Variants in USP8 observed in about 807,000 individuals in gnomAD.
USP8 encodes the protein ubiquitin carboxyl-terminal hydrolase 8.
Under a neutral mutation model 130.0 loss-of-function variants are expected in USP8, and 27 were observed. The ratio of observed to expected loss-of-function variants is 0.21; its 90% confidence interval spans 0.15 to 0.29. The LOEUF (loss-of-function observed/expected upper bound fraction) is 0.29. Ranked by LOEUF, USP8 falls within the 10% of genes least tolerant of loss-of-function variation. The pLI is 1.00. For missense variants in USP8, 1,029 were observed against 1,312.2 expected, an observed-to-expected ratio of 0.78 and a Z score of 3.33; for synonymous variants, 392 against 444.1, an observed-to-expected ratio of 0.88 and a Z score of 1.48.
At chr15:50,475,696 G>A (rs1438875603) in intron 8 of USP8, among the ~76,000 whole-genome samples, 2 of 152,038 alleles carry the variant, frequency 1.3e-5, no homozygotes, top group African/African-American at 4.8e-5. Context: ...TCCGCCTCTC[G>A]GGTTCAAGCG....
chr15:50,477,238 T>C (rs374243153), intron 9 of USP8, 38 bp from the exon 10 acceptor site: 20 of 1,564,810 alleles, frequency 1.3e-5, no homozygotes, highest in Non-Finnish European at 1.6e-5. Context: ...GTATGGGGTT[T>C]GCTATTCTAA....
intron 1 of USP8, among the ~76,000 whole-genome samples, chr15:50,436,193 G>GT (rs998456017): frequency 3.3e-5 from 5 of 150,636 alleles, no homozygotes; most frequent in East Asian, 1.9e-4. Context: ...TTCCAAGTCT[G>GT]TTTTTTTTTC....
At chr15:50,450,020 A>G (rs1356919700) in intron 4 of USP8, among the ~76,000 whole-genome samples, 1 of 148,940 alleles carries the variant, frequency 6.7e-6, no homozygotes, top group African/African-American at 2.5e-5. Context: ...CAGCCTCCCG[A>G]GTAGCTGGGA....
At chr15:50,429,250 A>G (rs914446233) in intron 1 of USP8, among the ~76,000 whole-genome samples, 6 of 151,922 alleles carry the variant, frequency 3.9e-5, no homozygotes, top group Non-Finnish European at 8.8e-5. Flanking sequence ...AAATAATTAC[A>G]CATTATAATA....
At chr15:50,459,996 C>CACCTTT (rs567135111) in intron 5 of USP8, among the ~76,000 whole-genome samples, 1 of 92,008 alleles carries the variant, frequency 1.1e-5, no homozygotes, top group Admixed American at 1.2e-4. Flanking sequence ...CACCCCCCCC[C>CACCTTT]TTTTTTTTTT....
At chr15:50,461,456 C>CAAA (rs71124356) in intron 5 of USP8, among the ~76,000 whole-genome samples, 39 of 108,654 alleles carry the variant, frequency 3.6e-4, no homozygotes, top group Non-Finnish European at 5.0e-4. Flanking sequence ...ACCCTATCTC[C>CAAA]AAAAAAAAAA....
rs1596003567 is a variant in USP8 at position 50,505,296 on chromosome 15, A to G, written c.*6208A>G. The G allele has an allele frequency of 3.3e-5, 5 of 152,266 alleles. No homozygotes were observed. The Middle Eastern group carries it at 0.014, about 414-fold the overall frequency. The allele number at this position is 152,266 out of a possible 1,614,324, so 9.4% of individuals were successfully genotyped here. On this transcript the variant is annotated 3_prime_UTR_variant, in exon 20 of 20. Coordinates refer to ENST00000307179, the MANE Select transcript of USP8 (RefSeq NM_005154.5). ...CTTAAAAGCAACCAGAAAGAAAAAG[A>G]GAGTTTACCCACAAGAATCTAACCT...
chr15:50,456,069 GAGT>G (rs991723970), intron 4 of USP8, among the ~76,000 whole-genome samples: 6 of 152,144 alleles, frequency 3.9e-5, no homozygotes, highest in Non-Finnish European at 5.9e-5. Flanking sequence ...AGGTTACCCA[GAGT>G]TTATAGTTGT....
At chr15:50,445,545 CAAAAAAAAAAA>C (rs747368769) in intron 3 of USP8, among the ~76,000 whole-genome samples, 6 of 10,012 alleles carry the variant, frequency 6.0e-4, no homozygotes, top group East Asian at 2.4e-3. Context: ...GAGTCTGTCT[CAAAAAAAAAAA>C]AAAAAAAAAA....
intron 3 of USP8, among the ~76,000 whole-genome samples, chr15:50,443,701 C>G (rs2050331874): frequency 6.6e-6 from 1 of 151,392 alleles, no homozygotes; most frequent in Non-Finnish European, 1.5e-5. Context: ...CCAGGCTGGT[C>G]TTGAACTCCT....
At chr15:50,466,531 G>A (rs954867572) in intron 7 of USP8, among the ~76,000 whole-genome samples, 2 of 151,324 alleles carry the variant, frequency 1.3e-5, no homozygotes, top group African/African-American at 4.9e-5. Flanking sequence ...GGAGGCGGAG[G>A]TTGCAGTGAG....
In USP8 at chr15:50,502,992, A is replaced by G. The variant is rs539771896; in HGVS notation, c.*3904A>G. 2 of 152,296 alleles carry G rather than the reference A, an allele frequency of 1.3e-5. No individual in the cohort carries two copies. Among genetic ancestry groups the G allele is most frequent in the Admixed American group, 1.3e-4 (2 of 15,292 alleles). 9.4% of individuals were successfully genotyped at this position (152,296 alleles called of 1,614,324 possible). On this transcript the variant is annotated 3_prime_UTR_variant, in exon 20 of 20. Transcript: ENST00000307179. The stretch of plus-strand genomic sequence containing the variant: ...AGTTATTTATTCAATATTCCCTTCA[A>G]CCTTCGTCTTCCCCACCTCTCTCCT...
In USP8 at chr15:50,424,656, T is replaced by A. The variant is rs1365821538; in HGVS notation, c.-66+142T>A. On this transcript the variant is annotated intron_variant, in intron 1 of 19. Transcript: ENST00000307179. ...AGAGGAGTGGGACAACTCCTAAAGG[T>A]AGAATCAGCTTGTGGAGAGGAAAGG... The A allele has an allele frequency of 6.8e-5, 27 of 395,764 alleles. No individual in the cohort carries two copies. In the East Asian group the frequency reaches 9.7e-4, roughly 14 times the overall value. The allele number at this position is 395,764 out of a possible 1,614,324, so 24.5% of individuals were successfully genotyped here. A position where few individuals can be genotyped will look rare whatever the true frequency, so the allele number is the denominator to read the frequency against.
At position 50,508,613 on chromosome 15, in the gene USP8, C is replaced by T. The variant is rs2052695109; in HGVS notation, c.*9525C>T. On this transcript the variant is annotated 3_prime_UTR_variant, in exon 20 of 20. Transcript: ENST00000307179. ...CTAAAAGAGTAGAGGGAAGAGATAA[C>T]ACTGTAAGAGGAATAACCCATAAAG... 2 of 151,978 alleles carry T rather than the reference C, an allele frequency of 1.3e-5. No homozygotes were observed. The highest frequency in any genetic ancestry group is 4.8e-5 in the African/African-American group (2 of 41,360). The allele number at this position is 151,978 out of a possible 1,614,324, so 9.4% of individuals were successfully genotyped here. A position where few individuals can be genotyped will look rare whatever the true frequency, so the allele number is the denominator to read the frequency against.
chr15:50,486,701 C>G (rs1391695447), intron 12 of USP8, among the ~76,000 whole-genome samples: 1 of 152,076 alleles, frequency 6.6e-6, no homozygotes, highest in African/African-American at 2.4e-5. Flanking sequence ...TAACACATAA[C>G]CCATTAAAAC....
intron 4 of USP8, among the ~76,000 whole-genome samples, chr15:50,451,293 C>G (rs2050623087): frequency 6.6e-6 from 1 of 152,062 alleles, no homozygotes; most frequent in Non-Finnish European, 1.5e-5. Flanking sequence ...CAGCTGTAGT[C>G]CCAGCTACTC....
intron 3 of USP8, 130 bp downstream of exon 3, chr15:50,441,623 GA>G: frequency 1.4e-6 from 1 of 713,526 alleles, no homozygotes. Context: ...CATGTAGATA[GA>G]AAAAGGGAAC....
At position 50,465,184 on chromosome 15, in the gene USP8, A is replaced by C; in HGVS notation, c.679A>C (p.Ser227Arg). Residue 227 changes from serine to arginine, a missense_variant, in exon 7 of 20, where the codon AGT becomes CGT. Around this residue, in one of 4 missense-constraint regions of USP8, gnomAD observed 281 missense variants for 336.7 expected, o/e 0.83. Coordinates refer to ENST00000307179, the MANE Select transcript of USP8 (RefSeq NM_005154.5). ...TCTCAGTGTTCCTGAAGAAGCCATC[A>C]GTCCAGGGTGGGTTATTGTGTAGTA... ...HSLSVPEEAI[S>R]PGVTASWIEA... 1.9e-6 allele frequency: 3 copies of C among 1,613,556 alleles called. No homozygotes were observed. The highest frequency in any genetic ancestry group is 2.2e-5 in the South Asian group (2 of 91,038).
chr15:50,442,924 C>T (rs2050307993), intron 3 of USP8, among the ~76,000 whole-genome samples: 1 of 152,154 alleles, frequency 6.6e-6, no homozygotes, highest in South Asian at 2.1e-4. Context: ...AGAAGCCACC[C>T]TCAATTAATA....
Sources: allele counts gnomAD v4.1 joint callset (sites outside exome capture counted in the v4.1 genomes callset), GRCh38; gene constraint gnomAD v4.1.1; regional missense constraint gnomAD v4.1.1; transcripts MANE v1.5; gene names NCBI Gene and HGNC (gene_info 2026-07-23, HGNC 2026-07-21).